PLCG1: variants seen among roughly 807,000 people sequenced by gnomAD.
The protein encoded by PLCG1 is 1-phosphatidylinositol 4,5-bisphosphate phosphodiesterase gamma-1.
A neutral mutation model predicts 177.8 loss-of-function variants in PLCG1; 71 were observed. The observed-to-expected ratio is 0.40, with a 90% CI of 0.33 to 0.49. The LOEUF (loss-of-function observed/expected upper bound fraction) is 0.49. PLCG1 is among the 20% of genes least tolerant of loss of function. The pLI is 0.72. For missense variants in PLCG1, 1,281 were observed against 1,709.0 expected, an observed-to-expected ratio of 0.75 and a Z score of 4.42; for synonymous variants, 658 against 647.9, an observed-to-expected ratio of 1.02 and a Z score of -0.24.
rs2035698039 is a variant in PLCG1 at position 41,166,491 on chromosome 20, C to A, written c.2016C>A (p.Ser672Arg). The A allele has an allele frequency of 6.2e-7, 1 of 1,613,934 alleles. No homozygotes were observed. The highest frequency in any genetic ancestry group is 2.2e-5 in the East Asian group (1 of 44,894). ...CTGTTCTCAGGTGGTACCACGCGAG[C>A]CTGACCAGAGCACAGGCTGAGCACA... ...AHESKEWYHA[S>R]LTRAQAEHML... The change falls in exon 18 of 32, where the codon AGC becomes AGA. Residue 672 changes from serine to arginine, a missense_variant. By Grantham distance (110) the Ser-to-Arg change is moderately radical (BLOSUM62 -1). Coordinates refer to ENST00000685551, the MANE Select transcript of PLCG1 (RefSeq NM_002660.3). This position sits in a 1 kb window ranked among gnomAD's most constrained non-coding sequence, Gnocchi z 8.6.
At position 41,157,693 on chromosome 20, in the gene PLCG1, G is replaced by A. The variant is rs961356330; in HGVS notation, c.218-1913G>A. On this transcript the variant is annotated intron_variant, in intron 1 of 31. Transcript: ENST00000685551. The surrounding 1 kb of genome is among the most constrained non-coding windows in gnomAD (Gnocchi z 5.4). Reference sequence around the variant, plus strand: ...GCCCTTGGTGGAAGAGAAGGGAGCCGGGGAGGTGGACATTTCCAGACTAGG... The same window carrying A: ...GCCCTTGGTGGAAGAGAAGGGAGCCAGGGAGGTGGACATTTCCAGACTAGG... 6.6e-6 allele frequency among the ~76,000 whole-genome samples: 1 copy of A among 152,182 alleles called. No individual in the cohort carries two copies. Among genetic ancestry groups the A allele is most frequent in the Admixed American group, 6.5e-5 (1 of 15,278 alleles).
chr20:41,139,393 G>C (rs1600624902), intron 1 of PLCG1, among the ~76,000 whole-genome samples: 2 of 152,178 alleles, frequency 1.3e-5, no homozygotes, highest in East Asian at 3.8e-4. Context: ...GCTGTGTTGA[G>C]TTGGTGGCAC....
In PLCG1 at chr20:41,156,379, C is replaced by T. The variant is rs1383318331; in HGVS notation, c.218-3227C>T. On this transcript the variant is annotated intron_variant, in intron 1 of 31. Transcript: ENST00000685551. This position sits in a 1 kb window ranked among gnomAD's most constrained non-coding sequence, Gnocchi z 5.0. ...GCAGCCATCACCATGGGCCTGGGGA[C>T]GTGGTGCTGGGCAGAATGAATATGC... is the stretch of plus-strand genomic sequence containing the variant. Among the ~76,000 whole-genome samples, 6 of 152,080 alleles carry T rather than the reference C, an allele frequency of 3.9e-5. No homozygotes were observed. The highest frequency in any genetic ancestry group is 7.4e-5 in the Non-Finnish European group (5 of 68,008).
At chr20:41,170,046 G>T (rs35432552) in intron 23 of PLCG1, 66 bp from the exon 24 acceptor site, 1 of 1,405,000 alleles carries the variant, frequency 7.1e-7, no homozygotes, top group Non-Finnish European at 9.8e-7. Flanking sequence ...CAGTGCCTGC[G>T]GTGTGGAGTG....
In PLCG1 at chr20:41,166,754, C is replaced by T; in HGVS notation, c.2196C>T (p.Asp732=). 1 of 1,614,106 alleles carries T rather than the reference C, an allele frequency of 6.2e-7. No homozygotes were observed. Among genetic ancestry groups the T allele is most frequent in the Non-Finnish European group, 8.5e-7 (1 of 1,179,982 alleles). Residue 732 remains aspartate (D), a synonymous_variant, in exon 19 of 32, where the codon GAC becomes GAT. Transcript: ENST00000685551. This position sits in a 1 kb window ranked among gnomAD's most constrained non-coding sequence, Gnocchi z 8.6. ...TGATGCTAGGGAACTCGGAGTTCGA[C>T]AGCCTTGTTGACCTCATCAGCTACT... ...QTVMLGNSEF[D]SLVDLISYYE...
Position 41,165,626 on chromosome 20 carries a change from C to T in PLCG1, c.1612-13C>T. On this transcript the variant is annotated splice_polypyrimidine_tract_variant and intron_variant, in intron 15 of 31. Coordinates refer to ENST00000685551, the MANE Select transcript of PLCG1 (RefSeq NM_002660.3). This position sits in a 1 kb window ranked among gnomAD's most constrained non-coding sequence, Gnocchi z 6.6. ...AGGGTCACAGTATCTTTGCTGTTGC[C>T]TTCCCCTGACAGGTCAGCAGCAGCA... The T allele has an allele frequency of 1.9e-6, 3 of 1,612,262 alleles. No individual in the cohort carries two copies. Among genetic ancestry groups the T allele is most frequent in the Non-Finnish European group, 2.5e-6 (3 of 1,178,586 alleles).
At position 41,160,874 on chromosome 20, in the gene PLCG1, A is replaced by G. The variant is rs547767756; in HGVS notation, c.512+721A>G. On this transcript the variant is annotated intron_variant, in intron 4 of 31. Transcript: ENST00000685551. The surrounding 1 kb of genome is among the most constrained non-coding windows in gnomAD (Gnocchi z 5.5). ...TGAGCAACTGGAAAACAGAGTCACC[A>G]TTGACTGAGATGAGAAGATCATGGG... Among the ~76,000 whole-genome samples the G allele has an allele frequency of 6.6e-6, 1 of 152,294 alleles. No individual in the cohort carries two copies. Among genetic ancestry groups the G allele is most frequent in the Non-Finnish European group, 1.5e-5 (1 of 68,032 alleles).
Position 41,156,749 on chromosome 20 carries a change from G to A in PLCG1, c.218-2857G>A, listed in dbSNP as rs2035334208. ...TTCTCAAGCTCCTAAGTTCTGGGAA[G>A]GTCTCTTTTCCTGCCCTCCTGACTA... On this transcript the variant is annotated intron_variant, in intron 1 of 31. Transcript: ENST00000685551. The surrounding 1 kb of genome is among the most constrained non-coding windows in gnomAD (Gnocchi z 5.0). Among the ~76,000 whole-genome samples, 1 of 152,174 alleles carries A rather than the reference G, an allele frequency of 6.6e-6. No individual in the cohort carries two copies. The highest frequency in any genetic ancestry group is 1.5e-5 in the Non-Finnish European group (1 of 68,026).
chr20:41,139,347 C>G (rs970983293), intron 1 of PLCG1, among the ~76,000 whole-genome samples: 3 of 152,194 alleles, frequency 2.0e-5, no homozygotes, highest in African/African-American at 7.2e-5. Context: ...ACTCAGGCAT[C>G]AGGCTCCAGG....
At position 41,145,092 on chromosome 20, in the gene PLCG1, G is replaced by A. The variant is rs79190130; in HGVS notation, c.217+7234G>A. ...GTTCTATGAAGGAAATAAGGCAAGA[G>A]GCTGCTCTGTCAGGGTAGGTGAGGG... On this transcript the variant is annotated intron_variant, in intron 1 of 31. Coordinates refer to ENST00000685551, the MANE Select transcript of PLCG1 (RefSeq NM_002660.3). 2.2e-3 allele frequency among the ~76,000 whole-genome samples: 335 copies of A among 152,320 alleles called. 1 individual carries two copies. The highest frequency in any genetic ancestry group is 7.6e-3 in the African/African-American group (317 of 41,566).
Position 41,172,658 on chromosome 20 carries a change from C to T in PLCG1, c.3130+13C>T. On this transcript the variant is annotated intron_variant, in intron 26 of 31. Coordinates refer to ENST00000685551, the MANE Select transcript of PLCG1 (RefSeq NM_002660.3). The surrounding 1 kb of genome is among the most constrained non-coding windows in gnomAD (Gnocchi z 7.0). ...TTCCAGACCCCTGGTGAGGAAGTCC[C>T]CTGTGAGGAGGGTGAGGAGGGGCAC... The T allele has an allele frequency of 6.2e-7, 1 of 1,613,300 alleles. No homozygotes were observed. The highest frequency in any genetic ancestry group is 8.5e-7 in the Non-Finnish European group (1 of 1,179,434).
At chr20:41,171,432 C>T (rs545295169) in intron 24 of PLCG1, among the ~76,000 whole-genome samples, 2 of 151,836 alleles carry the variant, frequency 1.3e-5, no homozygotes, top group South Asian at 4.2e-4. Context: ...ACTGAAAATA[C>T]AAAAATTAGC....
chr20:41,143,457 A>C (rs1306531404), intron 1 of PLCG1, among the ~76,000 whole-genome samples: 3 of 152,184 alleles, frequency 2.0e-5, no homozygotes, highest in African/African-American at 7.2e-5. Context: ...GGAGAGTCCT[A>C]GGAGAGATGG....
chr20:41,171,271 G>A (rs1194862735), intron 24 of PLCG1, among the ~76,000 whole-genome samples: 1 of 152,148 alleles, frequency 6.6e-6, no homozygotes, highest in African/African-American at 2.4e-5. Context: ...GGTCTAGGCT[G>A]AAAAGGGAAG....
Position 41,163,694 on chromosome 20 carries a change from C to G in PLCG1, c.892-21C>G, listed in dbSNP as rs2035590133. ...AGGGCAGGGACTCACTGTCTCTTCC[C>G]TTCCACATGTTTCTGGACAGTTTGT... is the stretch of plus-strand genomic sequence containing the variant. On this transcript the variant is annotated intron_variant, in intron 9 of 31. Coordinates refer to ENST00000685551, the MANE Select transcript of PLCG1 (RefSeq NM_002660.3). The surrounding 1 kb of genome is among the most constrained non-coding windows in gnomAD (Gnocchi z 5.2). The G allele has an allele frequency of 5.9e-6, 9 of 1,517,856 alleles. No individual in the cohort carries two copies. Among genetic ancestry groups the G allele is most frequent in the Admixed American group, 1.7e-5 (1 of 59,900 alleles). The allele number at this position is 1,517,856 out of a possible 1,614,324, so 94.0% of individuals were successfully genotyped here.
chr20:41,141,570 G>A (rs1037099674), intron 1 of PLCG1, among the ~76,000 whole-genome samples: 1 of 152,360 alleles, frequency 6.6e-6, no homozygotes, highest in South Asian at 2.1e-4. Context: ...GTCATCAAGG[G>A]TTTTCTTTGT....
chr20:41,170,076 T>C (rs1459197684), intron 23 of PLCG1, 36 bp from the exon 24 acceptor site: 2 of 1,574,016 alleles, frequency 1.3e-6, no homozygotes, highest in Non-Finnish European at 1.7e-6. Flanking sequence ...GGGTGAGATG[T>C]CTATTCCCAG....
chr20:41,164,258 G>A lies in PLCG1; in HGVS notation c.1217+57G>A. ...ACTTGGCTCCAGGTCTCTCGTTCTA[G>A]AGGGACAGAGGGCAGAAAGACTCCT... On this transcript the variant is annotated intron_variant, in intron 12 of 31. Transcript: ENST00000685551. This position sits in a 1 kb window ranked among gnomAD's most constrained non-coding sequence, Gnocchi z 6.4. 22 of 1,575,530 alleles carry A rather than the reference G, an allele frequency of 1.4e-5. No individual in the cohort carries two copies. Among genetic ancestry groups the A allele is most frequent in the Non-Finnish European group, 1.7e-5 (20 of 1,148,542 alleles).
In PLCG1 at chr20:41,160,173, T is replaced by A. The variant is rs377712918; in HGVS notation, c.512+20T>A. ...GGATCGGTAAGTACTGAGCTGTGGC[T>A]GTAGCCCAGCAGGGTGGGGATGGGC... is the stretch of plus-strand genomic sequence containing the variant. On this transcript the variant is annotated intron_variant, in intron 4 of 31. Transcript: ENST00000685551. This position sits in a 1 kb window ranked among gnomAD's most constrained non-coding sequence, Gnocchi z 5.5. The A allele has an allele frequency of 1.7e-5, 27 of 1,611,142 alleles. No individual in the cohort carries two copies. In the African/African-American group the frequency reaches 3.5e-4, roughly 21 times the overall value.
Sources: gnomAD v4.1 joint callset for allele counts (sites outside exome capture counted in the v4.1 genomes callset) on GRCh38, gnomAD v4.1.1 for gene constraint, Gnocchi (gnomAD v3.1) non-coding constraint, MANE v1.5 for transcripts, NCBI Gene and HGNC (gene_info 2026-07-23, HGNC 2026-07-21) for gene names.